Variants in CNTN5 observed in about 807,000 individuals in gnomAD.
CNTN5 encodes contactin-5.
In CNTN5, 77 loss-of-function variants were observed where a neutral mutation model predicts 129.1. That is an observed-to-expected ratio of 0.60 (90% CI 0.50 to 0.72). The LOEUF is 0.72. Ranked by LOEUF, CNTN5 falls within the 30% of genes least tolerant of loss-of-function variation. The probability of loss-of-function intolerance (pLI) is 0.00; values close to 1 mark genes in which losing one functional copy is unlikely to be tolerated. For synonymous variants in CNTN5, 509 were observed against 465.6 expected (o/e 1.09, Z -1.20); for missense variants, 1,478 against 1,328.8 (o/e 1.11, Z -1.75).
At chr11:99,200,235 G>A (rs11218784) in intron 1 of CNTN5, among the ~76,000 whole-genome samples, 39,949 of 151,966 alleles carry the variant, frequency 0.26, 5,420 homozygotes, top group East Asian at 0.46. Context: ...GCCAAGCCAT[G>A]CTCTCTAAAA....
chr11:100,073,724 G>A (rs970491919), intron 12 of CNTN5, among the ~76,000 whole-genome samples: 2 of 151,868 alleles, frequency 1.3e-5, no homozygotes, highest in Admixed American at 6.6e-5. Flanking sequence ...GTAATATACA[G>A]AATAAATTAA....
chr11:99,840,810 C>A (rs546562030), intron 4 of CNTN5, among the ~76,000 whole-genome samples: 22 of 152,216 alleles, frequency 1.4e-4, no homozygotes, highest in Admixed American at 4.6e-4. Context: ...TTATCTCCAA[C>A]AAGTTATAGA....
chr11:100,081,757 T>G (rs2137933220), intron 13 of CNTN5, among the ~76,000 whole-genome samples: 1 of 152,306 alleles, frequency 6.6e-6, no homozygotes, highest in African/African-American at 2.4e-5. Flanking sequence ...GGAGTAAATT[T>G]ACCTCTAGAT....
At chr11:99,738,035 A>G (rs926396809) in intron 3 of CNTN5, among the ~76,000 whole-genome samples, 2 of 152,246 alleles carry the variant, frequency 1.3e-5, no homozygotes, top group African/African-American at 4.8e-5. Context: ...ACGTCTATGC[A>G]GTATCGTTAG....
chr11:99,418,706 G>A (rs1257083903), intron 2 of CNTN5, among the ~76,000 whole-genome samples: 2 of 152,084 alleles, frequency 1.3e-5, no homozygotes, highest in Non-Finnish European at 2.9e-5. Flanking sequence ...TAATGTAATT[G>A]ACAAGTGCCT....
intron 3 of CNTN5, among the ~76,000 whole-genome samples, chr11:99,579,490 T>A (rs1403544468): frequency 6.7e-6 from 1 of 149,948 alleles, no homozygotes; most frequent in Non-Finnish European, 1.5e-5. Flanking sequence ...TTGGTTTGTA[T>A]CCTCTTTTAT....
rs1282624909 is a variant in CNTN5 at position 99,596,775 on chromosome 11, T to C, written c.55+40506T>C. On this transcript the variant is annotated intron_variant, in intron 3 of 24. Coordinates refer to ENST00000524871, the MANE Select transcript of CNTN5 (RefSeq NM_014361.4). ...TGAATGAAATATAAAGCAACTTCTGTTTGCCAGGCTATAAAACTAAAGATG... is the reference window on the plus strand; with the variant it reads ...TGAATGAAATATAAAGCAACTTCTGCTTGCCAGGCTATAAAACTAAAGATG... 2.0e-5 allele frequency among the ~76,000 whole-genome samples: 3 copies of C among 152,280 alleles called. No homozygotes were observed. The East Asian group carries it at 5.8e-4, about 29-fold the overall frequency.
intron 3 of CNTN5, among the ~76,000 whole-genome samples, chr11:99,765,223 A>G (rs561739507): frequency 2.0e-5 from 3 of 152,072 alleles, no homozygotes; most frequent in Admixed American, 6.6e-5. Context: ...TATAAAGTAT[A>G]TTCAATTTTT....
chr11:99,277,132 G>T (rs7925644), intron 1 of CNTN5, among the ~76,000 whole-genome samples: 10,842 of 151,678 alleles, frequency 0.071, 1,076 homozygotes, highest in African/African-American at 0.22. Context: ...TATGCTTTGT[G>T]TTGTGCTAGG....
chr11:99,942,638 C>G (rs1197196744), intron 7 of CNTN5, among the ~76,000 whole-genome samples: 2 of 151,964 alleles, frequency 1.3e-5, no homozygotes, highest in Non-Finnish European at 2.9e-5. Context: ...TTAAGCCCCA[C>G]ATGCATTAGA....
chr11:100,352,975 T>G (rs1287236367), intron 24 of CNTN5, among the ~76,000 whole-genome samples: 2 of 151,648 alleles, frequency 1.3e-5, no homozygotes, highest in African/African-American at 4.8e-5. Context: ...CTATATATTA[T>G]TTTATCTTTC....
chr11:99,956,873 C>G lies in CNTN5; in HGVS notation c.741C>G (p.Ile247Met). The change falls in exon 8 of 25, where the codon ATC becomes ATG. Residue 247 changes from isoleucine (I) to methionine (M), a missense_variant. Coordinates refer to ENST00000524871, the MANE Select transcript of CNTN5 (RefSeq NM_014361.4). Reference protein sequence around the residue: ...SFVAEDSRRFISQETGNLYIS... With the variant: ...SFVAEDSRRFMSQETGNLYIS... ...TGGCGGAAGACAGCCGGCGGTTCAT[C>G]TCCCAGGAGACAGGCAACCTTTATA... The G allele has an allele frequency of 6.2e-7, 1 of 1,613,872 alleles. No individual in the cohort carries two copies. The highest frequency in any genetic ancestry group is 8.5e-7 in the Non-Finnish European group (1 of 1,179,836).
rs181723167 is a variant in CNTN5, at chr11:99,146,990, G to A, written c.-210+125720G>A. Among the ~76,000 whole-genome samples the A allele has an allele frequency of 2.4e-3, 368 of 152,012 alleles. 1 individual carries two copies. Among genetic ancestry groups the A allele is most frequent in the South Asian group, 4.1e-3 (20 of 4,822 alleles). On this transcript the variant is annotated intron_variant, in intron 1 of 24. Transcript: ENST00000524871. ...ATGTACTTTGGACTTCCAAGTGCTG[G>A]GATTAAAGGCATGAGTCGATGCATT...
intron 8 of CNTN5, among the ~76,000 whole-genome samples, chr11:99,989,451 AC>A (rs1480067786): frequency 6.6e-6 from 1 of 151,912 alleles, no homozygotes; most frequent in East Asian, 1.9e-4. Context: ...AAATCAAAGT[AC>A]CAACTTTTTT....
intron 6 of CNTN5, among the ~76,000 whole-genome samples, chr11:99,903,133 T>C (rs1476688124): frequency 1.3e-5 from 2 of 152,200 alleles, no homozygotes; most frequent in African/African-American, 4.8e-5. Flanking sequence ...GCAAGCAATT[T>C]ACTTCTTCAG....
intron 3 of CNTN5, among the ~76,000 whole-genome samples, chr11:99,801,501 C>G (rs543884638): frequency 6.0e-4 from 91 of 152,288 alleles, no homozygotes; most frequent in African/African-American, 2.0e-3. Context: ...GCAACATTTT[C>G]TTGAATTACT....
intron 6 of CNTN5, among the ~76,000 whole-genome samples, chr11:99,887,645 C>CT (rs1948934393): frequency 6.6e-6 from 1 of 152,210 alleles, no homozygotes; most frequent in African/African-American, 2.4e-5. Context: ...ACAGTGCAGC[C>CT]TTTAGTCTGG....
At chr11:99,359,496 C>T (rs186581442) in intron 2 of CNTN5, among the ~76,000 whole-genome samples, 10 of 152,000 alleles carry the variant, frequency 6.6e-5, no homozygotes, top group Admixed American at 1.3e-4. Flanking sequence ...AATGTATGTT[C>T]TTCTTGTATG....
chr11:99,910,691 A>C (rs935357920), intron 6 of CNTN5, among the ~76,000 whole-genome samples: 1 of 152,114 alleles, frequency 6.6e-6, no homozygotes, highest in Admixed American at 6.6e-5. Flanking sequence ...AGGAATTAGT[A>C]TCTACTTCCA....
Sources: allele counts gnomAD v4.1 joint callset (sites outside exome capture counted in the v4.1 genomes callset), GRCh38; gene constraint gnomAD v4.1.1; transcripts MANE v1.5; gene names NCBI Gene and HGNC (gene_info 2026-07-23, HGNC 2026-07-21).